The following PATL1 variants were observed in gnomAD, a reference collection of about 807,000 sequenced individuals.
PATL1 encodes PAT1 homolog 1, processing body mRNA decay factor.
A neutral mutation model predicts 100.6 loss-of-function variants in PATL1; 32 were observed. The observed-to-expected ratio is 0.32, with a 90% CI of 0.24 to 0.43. The LOEUF (loss-of-function observed/expected upper bound fraction) is 0.43. Among genes scored for constraint, PATL1 ranks in the 20% least tolerant of loss-of-function variants. PATL1 has a pLI of 1.00. For missense variants in PATL1, 747 were observed against 949.9 expected (o/e 0.79, Z 2.81); for synonymous variants, 332 against 330.0 (o/e 1.01, Z -0.07).
rs1325730006 is a variant in PATL1, at chr11:59,653,114, T to TA, written c.1122-97dup. ...CCAGGCCAGTTTTTTTTTTTTTTTT[T>TA]AAAGATTCCCGTTTGCTTTTCTTAA... On this transcript the variant is annotated intron_variant, in intron 9 of 18. Coordinates refer to ENST00000300146, the MANE Select transcript of PATL1 (RefSeq NM_152716.3). The TA allele has an allele frequency of 1.1e-3, 1,103 of 1,008,336 alleles. 7 individuals carry two copies. The African/African-American group carries it at 0.015, about 13-fold the overall frequency. 62.5% of individuals were successfully genotyped at this position (1,008,336 alleles called of 1,614,324 possible). A position where few individuals can be genotyped will look rare whatever the true frequency, so the allele number is the denominator to read the frequency against.
At chr11:59,666,473 G>A (rs1861692365) in intron 2 of PATL1, among the ~76,000 whole-genome samples, 2 of 152,052 alleles carry the variant, frequency 1.3e-5, no homozygotes, top group Non-Finnish European at 1.5e-5. Context: ...TTTTCTACTA[G>A]TACACTAGTT....
rs1455189770 is a variant in PATL1, at chr11:59,668,787, G to A, written c.15+94C>T. On this transcript the variant is annotated intron_variant, in intron 1 of 18. Transcript: ENST00000300146. ...CTGCGACTCCCCCAGCCCGCCCCCT[G>A]CCCCGCAGGAACACAGGACCGGCGC... 9.2e-6 allele frequency: 6 copies of A among 655,644 alleles called. No individual in the cohort carries two copies. In the East Asian group the frequency reaches 1.1e-4, roughly 12 times the overall value. The allele number at this position is 655,644 out of a possible 1,614,324, so 40.6% of individuals were successfully genotyped here.
intron 9 of PATL1, 61 bp from the exon 10 acceptor site, chr11:59,653,079 G>C: frequency 7.3e-6 from 10 of 1,365,302 alleles, no homozygotes; most frequent in Non-Finnish European, 9.9e-6. Context: ...TTTAACAACA[G>C]AGGAATAAAC....
intron 14 of PATL1, 88 bp from the exon 15 acceptor site, chr11:59,648,001 T>C (rs1007924120): frequency 2.6e-6 from 3 of 1,135,284 alleles, no homozygotes; most frequent in African/African-American, 1.6e-5. Flanking sequence ...TGAATGAATA[T>C]ACTGCATTCA....
rs923496689 is a variant in PATL1 at position 59,650,760 on chromosome 11, A to T, written c.1578T>A (p.Ile526=). The T allele has an allele frequency of 6.4e-7, 1 of 1,552,868 alleles. No individual in the cohort carries two copies. Among genetic ancestry groups the T allele is most frequent in the Non-Finnish European group, 8.7e-7 (1 of 1,146,508 alleles). The change falls in exon 13 of 19, where the codon ATT becomes ATA. Residue 526 remains isoleucine (I), a synonymous_variant. Coordinates refer to ENST00000300146, the MANE Select transcript of PATL1 (RefSeq NM_152716.3). ...CAACAAATTCTAAACTTACTTTCTCAATTATAACAAGGGTTTTTCTCCTCT... is the reference window on the plus strand; with the variant it reads ...CAACAAATTCTAAACTTACTTTCTCTATTATAACAAGGGTTTTTCTCCTCT... ...RDKRRKTLVI[I]EKTYSLLLDV... is the part of the protein sequence containing the mutation.
rs1861466134 is a variant in PATL1 at position 59,652,835 on chromosome 11, T to C, written c.1302+3A>G. On this transcript the variant is annotated splice_donor_region_variant and intron_variant, in intron 10 of 18. Coordinates refer to ENST00000300146, the MANE Select transcript of PATL1 (RefSeq NM_152716.3). ...ATCCTCAAAACTAGCACAGAGTATTTACCTGGTAATAAAAATCATCCAGGT... is the reference window on the plus strand; with the variant it reads ...ATCCTCAAAACTAGCACAGAGTATTCACCTGGTAATAAAAATCATCCAGGT... The C allele has an allele frequency of 6.2e-7, 1 of 1,612,956 alleles. No individual in the cohort carries two copies. The highest frequency in any genetic ancestry group is 2.2e-5 in the East Asian group (1 of 44,890).
intron 2 of PATL1, among the ~76,000 whole-genome samples, chr11:59,661,733 T>TA (rs1356085161): frequency 7.9e-5 from 12 of 152,360 alleles, no homozygotes; most frequent in Middle Eastern, 3.4e-3. Flanking sequence ...TGTTAAGTTT[T>TA]AAACAGTTTT....
chr11:59,650,675 ACT>A, intron 13 of PATL1, 77 bp downstream of exon 13: 1 of 972,518 alleles, frequency 1.0e-6, no homozygotes, highest in Non-Finnish European at 1.5e-6. Flanking sequence ...CTGATTGCTC[ACT>A]GTTTCAGTTC....
chr11:59,661,232 T>G (rs1861620914), intron 2 of PATL1, among the ~76,000 whole-genome samples: 1 of 152,134 alleles, frequency 6.6e-6, no homozygotes, highest in Non-Finnish European at 1.5e-5. Flanking sequence ...ACTACAGGTT[T>G]GTACCACCAC....
At chr11:59,661,275 G>A (rs954068244) in intron 2 of PATL1, among the ~76,000 whole-genome samples, 2 of 151,908 alleles carry the variant, frequency 1.3e-5, no homozygotes, top group South Asian at 2.1e-4. Flanking sequence ...TTGTAGAGTC[G>A]GGGTTTCCCC....
intron 2 of PATL1, among the ~76,000 whole-genome samples, chr11:59,662,693 G>A (rs552410068): frequency 2.0e-5 from 3 of 152,002 alleles, no homozygotes; most frequent in South Asian, 4.2e-4. Flanking sequence ...CTGAATTGAG[G>A]GATTTGTAAA....
chr11:59,668,841 G>A, intron 1 of PATL1, 40 bp downstream of exon 1: 4 of 1,246,090 alleles, frequency 3.2e-6, no homozygotes, highest in Admixed American at 2.4e-5. Context: ...AGAGGGGCGC[G>A]GGAGGGAGGG....
Position 59,643,014 on chromosome 11 carries a change from G to C in PATL1, c.1915C>G (p.Pro639Ala). The C allele has an allele frequency of 6.2e-7, 1 of 1,613,878 alleles. No homozygotes were observed. Among genetic ancestry groups the C allele is most frequent in the Non-Finnish European group, 8.5e-7 (1 of 1,179,850 alleles). ...AGATGATAGAGAAGGAGAGAGAAGG[G>C]ACTCAGTAAGCATGGCAGCACCTAC... The part of the protein sequence containing the change: ...QDEVLPCLLS[P>A]FSLLLYHLPS... Residue 639 changes from proline (P) to alanine (A), a missense_variant, in exon 16 of 19, where the codon CCC (proline) becomes GCC (alanine). Pro to Ala is a conservative substitution (Grantham distance 27). Coordinates refer to ENST00000300146, the MANE Select transcript of PATL1 (RefSeq NM_152716.3).
rs1861556230 is a variant in PATL1 at position 59,657,704 on chromosome 11, T to A, written c.447A>T (p.Val149=). The A allele has an allele frequency of 1.2e-6, 2 of 1,608,760 alleles. No individual in the cohort carries two copies. The highest frequency in any genetic ancestry group is 1.3e-5 in the African/African-American group (1 of 74,814). ...GCCTCTGAGGCAAAGCATATTCTAATACAGACACTGTAGGCATTTCCTAAT... is the reference window on the plus strand; with the variant it reads ...GCCTCTGAGGCAAAGCATATTCTAAAACAGACACTGTAGGCATTTCCTAAT... ...LLAQEMPTVS[V]LEYALPQRPP... The change falls in exon 5 of 19, where the codon GTA becomes GTT. Residue 149 remains valine, a synonymous_variant. Transcript: ENST00000300146.
chr11:59,649,363 T>G, intron 14 of PATL1, 99 bp downstream of exon 14: 1 of 1,190,346 alleles, frequency 8.4e-7, no homozygotes, highest in Non-Finnish European at 1.2e-6. Flanking sequence ...CTTACAGAGA[T>G]GGTAGGGAAG....
chr11:59,651,285 C>G (rs1415465701), intron 12 of PATL1, among the ~76,000 whole-genome samples: 1 of 152,142 alleles, frequency 6.6e-6, no homozygotes, highest in African/African-American at 2.4e-5. Flanking sequence ...TAACATCAAA[C>G]TGGAGTAAAT....
chr11:59,658,932 A>G lies in PATL1; in HGVS notation c.360T>C (p.Ser120=), dbSNP rs1861584934. 1.3e-6 allele frequency: 2 copies of G among 1,549,966 alleles called. No individual in the cohort carries two copies. The highest frequency in any genetic ancestry group is 1.2e-5 in the South Asian group (1 of 83,610). Residue 120 remains serine, a synonymous_variant, in exon 4 of 19, where the codon AGT becomes AGC. Transcript: ENST00000300146. ...TRPVLQPQPG[S]LNSSIWDGSE... Reference sequence around the variant, plus strand: ...ATCCATCCCAGATACTGGAATTCAGACTTCCTGGTTGGGGCTAACAAAAAA... The same window carrying G: ...ATCCATCCCAGATACTGGAATTCAGGCTTCCTGGTTGGGGCTAACAAAAAA...
At chr11:59,667,544 A>G (rs1007521628) in intron 1 of PATL1, among the ~76,000 whole-genome samples, 2 of 152,228 alleles carry the variant, frequency 1.3e-5, no homozygotes, top group African/African-American at 4.8e-5. Flanking sequence ...GACAAGTTCA[A>G]GTTCTGGCTC....
intron 15 of PATL1, among the ~76,000 whole-genome samples, chr11:59,646,580 A>C (rs1029328678): frequency 6.6e-6 from 1 of 152,124 alleles, no homozygotes; most frequent in African/African-American, 2.4e-5. Context: ...CTAACATTTC[A>C]AGGATCTATG....
Sources: allele counts gnomAD v4.1 joint callset (sites outside exome capture counted in the v4.1 genomes callset), GRCh38; gene constraint gnomAD v4.1.1; transcripts MANE v1.5; gene names NCBI Gene and HGNC (gene_info 2026-07-23, HGNC 2026-07-21).